Variants in NCKAP5 observed in about 807,000 individuals in gnomAD.
The protein encoded by NCKAP5 is NCK associated protein 5, also known as nck-associated protein 5.
Under a neutral mutation model 167.0 loss-of-function variants are expected in NCKAP5, and 92 were observed. The observed-to-expected ratio is 0.55, with a 90% confidence interval of 0.47 to 0.66. NCKAP5 has a LOEUF of 0.66. Ranked by LOEUF, NCKAP5 falls within the 30% of genes least tolerant of loss-of-function variation. NCKAP5 has a pLI of 0.00. For synonymous variants in NCKAP5, 891 were observed against 877.4 expected (o/e 1.02, Z -0.27); for missense variants, 2,378 against 2,315.0 (o/e 1.03, Z -0.56).
chr2:132,864,816 A>C (rs1690210988), intron 10 of NCKAP5, among the ~76,000 whole-genome samples: 1 of 152,226 alleles, frequency 6.6e-6, no homozygotes, highest in African/African-American at 2.4e-5. Flanking sequence ...GGCAGTGTCT[A>C]TCATGGGAAT....
At chr2:132,932,956 G>A (rs569827143) in intron 8 of NCKAP5, among the ~76,000 whole-genome samples, 12 of 123,092 alleles carry the variant, frequency 9.7e-5, no homozygotes, top group Admixed American at 5.2e-4. Context: ...ACAGAATCTC[G>A]CTTTGTTGCC....
intron 8 of NCKAP5, among the ~76,000 whole-genome samples, chr2:132,898,058 A>C (rs997320859): frequency 1.3e-5 from 2 of 152,234 alleles, no homozygotes; most frequent in African/African-American, 4.8e-5. Flanking sequence ...ATAGCATTTT[A>C]CCTACAGTGG....
At chr2:133,272,242 A>T (rs1411571701) in intron 4 of NCKAP5, among the ~76,000 whole-genome samples, 7 of 151,712 alleles carry the variant, frequency 4.6e-5, no homozygotes, top group African/African-American at 1.7e-4. Context: ...ACAAAAAAAA[A>T]TAGAATAAAA....
chr2:133,433,462 AAGAG>A (rs1285973824), intron 3 of NCKAP5: 2 of 152,214 alleles, frequency 1.3e-5, no homozygotes, highest in South Asian at 4.1e-4. Flanking sequence ...TATGAATTCC[AAGAG>A]ACCAGGAGCC....
At chr2:132,728,383 G>A (rs1028517474) in intron 18 of NCKAP5, among the ~76,000 whole-genome samples, 27 of 152,160 alleles carry the variant, frequency 1.8e-4, no homozygotes, top group African/African-American at 6.5e-4. Context: ...ACCACACCGA[G>A]CATCTGATTA....
chr2:133,453,526 A>G (rs1326943949), intron 3 of NCKAP5, among the ~76,000 whole-genome samples: 1 of 152,138 alleles, frequency 6.6e-6, no homozygotes, highest in African/African-American at 2.4e-5. Context: ...TTCTATTTAT[A>G]ATGGCAAAAA....
Position 132,906,164 on chromosome 2 carries a change from G to A in NCKAP5, c.580-27248C>T, listed in dbSNP as rs149796444. Among the ~76,000 whole-genome samples, 749 of 152,240 alleles carry A rather than the reference G, an allele frequency of 4.9e-3. 5 individuals are homozygous for A. Among genetic ancestry groups the A allele is most frequent in the African/African-American group, 0.017 (719 of 41,542 alleles). ...ATTGATCTATTATTTTTCTAAGATG[G>A]TGTTTGGATTTCTTTGCCAGATTTG... On this transcript the variant is annotated intron_variant, in intron 8 of 19. Transcript: ENST00000409261.
chr2:132,861,728 C>G (rs1689930170), intron 10 of NCKAP5, among the ~76,000 whole-genome samples: 2 of 152,206 alleles, frequency 1.3e-5, no homozygotes, highest in South Asian at 4.1e-4. Flanking sequence ...ATACCTGCTC[C>G]ATTTTCTGAA....
intron 3 of NCKAP5, among the ~76,000 whole-genome samples, chr2:133,419,558 A>T (rs764031655): frequency 6.6e-6 from 1 of 152,172 alleles, no homozygotes; most frequent in Non-Finnish European, 1.5e-5. Flanking sequence ...CCCTTTTTAG[A>T]TGAAAAGTAC....
intron 4 of NCKAP5, among the ~76,000 whole-genome samples, chr2:133,262,591 T>G (rs2088963212): frequency 6.6e-6 from 1 of 152,196 alleles, no homozygotes; most frequent in Non-Finnish European, 1.5e-5. Context: ...AAACAGTGTT[T>G]ATTAGGAGAA....
intron 16 of NCKAP5, among the ~76,000 whole-genome samples, chr2:132,748,218 C>T (rs1216288027): frequency 2.0e-5 from 3 of 152,178 alleles, no homozygotes; most frequent in Admixed American, 6.5e-5. Flanking sequence ...GAGAAGTTGA[C>T]TCTCTGTGTG....
In NCKAP5 at chr2:132,939,923, C is replaced by G. The variant is rs549835209; in HGVS notation, c.579+23797G>C. Reference sequence around the variant, plus strand: ...GCTGAGGCAGGAGAATCACTTGAACCTGGGAAGCAGAGGTTTCAGTGAGCT... The same window carrying G: ...GCTGAGGCAGGAGAATCACTTGAACGTGGGAAGCAGAGGTTTCAGTGAGCT... On this transcript the variant is annotated intron_variant, in intron 8 of 19. Coordinates refer to ENST00000409261, the MANE Select transcript of NCKAP5 (RefSeq NM_207363.3). 3.2e-4 allele frequency among the ~76,000 whole-genome samples: 49 copies of G among 152,226 alleles called. 2 individuals are homozygous for G. In the South Asian group the frequency reaches 9.1e-3, roughly 28 times the overall value.
the NCKAP5 span, among the ~76,000 whole-genome samples, chr2:133,635,656 G>C: frequency 6.6e-6 from 1 of 152,078 alleles, no homozygotes; most frequent in Non-Finnish European, 1.5e-5. Flanking sequence ...AACTTCTAAA[G>C]ACAAGCAACT....
rs200276256 is a variant in NCKAP5 at position 133,129,963 on chromosome 2, A to G, written c.341+15T>C. 15 of 1,587,000 alleles carry G rather than the reference A, an allele frequency of 9.5e-6. No individual in the cohort carries two copies. In the East Asian group the frequency reaches 2.5e-4, roughly 26 times the overall value. On this transcript the variant is annotated intron_variant, in intron 6 of 19. Coordinates refer to ENST00000409261, the MANE Select transcript of NCKAP5 (RefSeq NM_207363.3). The stretch of plus-strand genomic sequence containing the variant: ...ATGCACCTCAGGAAGCAATCTGCTC[A>G]GCTAAGAACAATACCTGGAGAACTG...
chr2:133,218,445 G>A (rs1376964014), intron 4 of NCKAP5, among the ~76,000 whole-genome samples: 1 of 152,122 alleles, frequency 6.6e-6, no homozygotes, highest in Non-Finnish European at 1.5e-5. Flanking sequence ...GAAGCTGAGT[G>A]GAAAAGGCAA....
intron 6 of NCKAP5, among the ~76,000 whole-genome samples, chr2:133,125,114 C>T (rs927070387): frequency 1.2e-4 from 18 of 152,088 alleles, no homozygotes; most frequent in Non-Finnish European, 2.1e-4. Flanking sequence ...AACAGAGATA[C>T]CTTTGCAAAT....
the NCKAP5 span, among the ~76,000 whole-genome samples, chr2:133,607,380 C>T: frequency 0.65 from 98,409 of 152,026 alleles, 32,477 homozygotes; most frequent in Middle Eastern, 0.78. Flanking sequence ...AATAACATTG[C>T]ATTTCTTTAT....
intron 8 of NCKAP5, among the ~76,000 whole-genome samples, chr2:132,914,386 G>GA (rs1023719558): frequency 6.6e-5 from 10 of 150,680 alleles, no homozygotes; most frequent in Non-Finnish European, 1.5e-4. Flanking sequence ...AAAAATTTTA[G>GA]AAAAAAAATA....
At chr2:132,968,275 C>T (rs1203083101) in intron 7 of NCKAP5, among the ~76,000 whole-genome samples, 1 of 152,034 alleles carries the variant, frequency 6.6e-6, no homozygotes, top group Non-Finnish European at 1.5e-5. Flanking sequence ...GGAGAATGGG[C>T]TGTGGAAGGA....
Sources: gnomAD v4.1 joint callset for allele counts (sites outside exome capture counted in the v4.1 genomes callset) on GRCh38, gnomAD v4.1.1 for gene constraint, MANE v1.5 for transcripts, NCBI Gene and HGNC (gene_info 2026-07-23, HGNC 2026-07-21) for gene names.